CIMAP3: variants seen among roughly 807,000 people sequenced by gnomAD.
The protein encoded by CIMAP3 is ciliary microtubule associated protein 3, also known as ciliary microtubule-associated protein 3.
the CIMAP3 span, chr1:111,346,517 C>T: frequency 7.2e-7 from 1 of 1,397,328 alleles, no homozygotes; most frequent in Non-Finnish European, 9.8e-7. Flanking sequence ...AGTAGTGGCT[C>T]GGTGGACGCC....
the CIMAP3 span, among the ~76,000 whole-genome samples, chr1:111,343,475 C>T: frequency 2.6e-5 from 4 of 152,348 alleles, no homozygotes; most frequent in East Asian, 7.7e-4. Context: ...ATGGAAACTA[C>T]TGAATTCTTA....
the CIMAP3 span, among the ~76,000 whole-genome samples, chr1:111,340,489 T>C: frequency 6.6e-6 from 1 of 151,716 alleles, no homozygotes; most frequent in Admixed American, 6.6e-5. Flanking sequence ...GAATCTACAA[T>C]GAACGCAAAC....
At chr1:111,341,978 T>G in the CIMAP3 span, among the ~76,000 whole-genome samples, 2 of 149,328 alleles carry the variant, frequency 1.3e-5, no homozygotes, top group African/African-American at 4.9e-5. Context: ...CAAGAGGGAG[T>G]CGAGCATGAG....
the CIMAP3 span, among the ~76,000 whole-genome samples, chr1:111,332,436 A>T: frequency 6.6e-6 from 1 of 152,112 alleles, no homozygotes; most frequent in African/African-American, 2.4e-5. Flanking sequence ...GAGGCCTATA[A>T]AGCTATTTCT....
chr1:111,324,699 G>A, the CIMAP3 span: 2 of 985,202 alleles, frequency 2.0e-6, no homozygotes, highest in Admixed American at 1.2e-4. Context: ...AAGTCCCCAT[G>A]TGAGAGTGGC....
At chr1:111,340,757 T>C in the CIMAP3 span, among the ~76,000 whole-genome samples, 1 of 152,018 alleles carries the variant, frequency 6.6e-6, no homozygotes, top group African/African-American at 2.4e-5. Context: ...ACACTGTTGG[T>C]GGGACTGTAA....
At chr1:111,348,335 G>A in the CIMAP3 span, 1 of 558,928 alleles carries the variant, frequency 1.8e-6, no homozygotes, top group South Asian at 2.9e-5. Context: ...CTAGGTAGCT[G>A]AACCACACCC....
At chr1:111,326,977 A>G in the CIMAP3 span, among the ~76,000 whole-genome samples, 2 of 152,038 alleles carry the variant, frequency 1.3e-5, no homozygotes, top group African/African-American at 4.8e-5. Context: ...ACTTCCTTGT[A>G]TATTGTGGAT....
the CIMAP3 span, among the ~76,000 whole-genome samples, chr1:111,330,610 T>C: frequency 7.9e-3 from 1,202 of 152,336 alleles, 16 homozygotes; most frequent in African/African-American, 0.027. Context: ...TGCAGAGTTC[T>C]TCTCCCACTT....
At chr1:111,332,897 A>G in the CIMAP3 span, among the ~76,000 whole-genome samples, 1 of 152,140 alleles carries the variant, frequency 6.6e-6, no homozygotes, top group Non-Finnish European at 1.5e-5. Context: ...TGGGGCATAG[A>G]TACATATTTG....
chr1:111,335,760 C>A, the CIMAP3 span, among the ~76,000 whole-genome samples: 4 of 152,252 alleles, frequency 2.6e-5, no homozygotes, highest in African/African-American at 7.2e-5. Context: ...TAGGCTCCAC[C>A]TCTGCGGGCA....
the CIMAP3 span, chr1:111,346,715 G>C: frequency 6.3e-7 from 1 of 1,594,272 alleles, no homozygotes; most frequent in Non-Finnish European, 8.6e-7. Flanking sequence ...GGCAGGTAGG[G>C]GGAAGGGTGG....
chr1:111,348,185 T>G, the CIMAP3 span, among the ~76,000 whole-genome samples: 2 of 152,236 alleles, frequency 1.3e-5, no homozygotes, highest in Admixed American at 1.3e-4. Context: ...GACGACATTT[T>G]CCTGACACTT....
chr1:111,343,957 T>G, the CIMAP3 span, among the ~76,000 whole-genome samples: 1 of 152,246 alleles, frequency 6.6e-6, no homozygotes, highest in African/African-American at 2.4e-5. Context: ...TTCCCTATGT[T>G]CACCTTGCAG....
chr1:111,332,540 A>C, the CIMAP3 span, among the ~76,000 whole-genome samples: 1 of 152,170 alleles, frequency 6.6e-6, no homozygotes. Flanking sequence ...CCTGAGACGT[A>C]GGCACAGGAC....
At chr1:111,337,179 A>C in the CIMAP3 span, among the ~76,000 whole-genome samples, 1 of 152,108 alleles carries the variant, frequency 6.6e-6, no homozygotes, top group Non-Finnish European at 1.5e-5. Flanking sequence ...GCCTGCCCTA[A>C]AAGAGCTCTT....
At chr1:111,328,052 T>C in the CIMAP3 span, among the ~76,000 whole-genome samples, 1 of 152,248 alleles carries the variant, frequency 6.6e-6, no homozygotes, top group African/African-American at 2.4e-5. Context: ...TTGTTATCTT[T>C]GTTCTCATTA....
chr1:111,329,750 C>T, the CIMAP3 span, among the ~76,000 whole-genome samples: 17 of 151,810 alleles, frequency 1.1e-4, no homozygotes, highest in African/African-American at 4.1e-4. Flanking sequence ...GACAGGGTTT[C>T]ACCACATAGG....
the CIMAP3 span, chr1:111,351,307 C>T: frequency 6.3e-7 from 1 of 1,583,590 alleles, no homozygotes; most frequent in East Asian, 2.2e-5. Context: ...TGTGGCCTAC[C>T]TAAGCCTGTA....
Sources: gnomAD v4.1 joint callset for allele counts (sites outside exome capture counted in the v4.1 genomes callset) on GRCh38, gnomAD v4.1.1 for gene constraint, MANE v1.5 for transcripts, NCBI Gene and HGNC (gene_info 2026-07-23, HGNC 2026-07-21) for gene names.